HERC1: variants seen among roughly 807,000 people sequenced by gnomAD.
HERC1 encodes the protein HECT and RLD domain containing E3 ubiquitin protein ligase family member 1, also known as probable E3 ubiquitin-protein ligase HERC1.
Under a neutral mutation model 554.3 loss-of-function variants are expected in HERC1, and 160 were observed. That is an observed-to-expected ratio of 0.29 (90% confidence interval 0.25 to 0.33). The LOEUF (loss-of-function observed/expected upper bound fraction) is 0.33, where lower values mean the gene tolerates loss of function less well. Among genes scored for constraint, HERC1 ranks in the 10% least tolerant of loss-of-function variants. The pLI, the probability that HERC1 is intolerant of heterozygous loss-of-function variation, is 1.00. For synonymous variants in HERC1, 2,175 were observed against 2,131.7 expected (o/e 1.02, Z -0.56); for missense variants, 4,919 against 5,918.5 (o/e 0.83, Z 5.54).
chr15:63,699,742 G>A (rs1366833073), intron 25 of HERC1, among the ~76,000 whole-genome samples: 2 of 148,282 alleles, frequency 1.3e-5, no homozygotes, highest in African/African-American at 2.5e-5. Flanking sequence ...TTTGCCAGTG[G>A]GTATTTTTTA....
chr15:63,651,714 G>A (rs927038459), intron 52 of HERC1, among the ~76,000 whole-genome samples: 8 of 152,146 alleles, frequency 5.3e-5, no homozygotes, highest in African/African-American at 1.9e-4. Context: ...GAATACTTCA[G>A]AAAAGAAATA....
At chr15:63,808,618 G>C (rs2077203787) in intron 1 of HERC1, among the ~76,000 whole-genome samples, 1 of 151,740 alleles carries the variant, frequency 6.6e-6, no homozygotes, top group East Asian at 1.9e-4. Flanking sequence ...AGGATCTTTG[G>C]GGAAAAAAAA....
intron 8 of HERC1, among the ~76,000 whole-genome samples, chr15:63,751,578 A>G (rs191829123): frequency 2.1e-3 from 321 of 152,300 alleles, no homozygotes; most frequent in African/African-American, 7.2e-3. Flanking sequence ...GGACCATACT[A>G]TATAGTATGG....
At chr15:63,772,831 G>A (rs933436946) in intron 2 of HERC1, among the ~76,000 whole-genome samples, 5 of 152,078 alleles carry the variant, frequency 3.3e-5, no homozygotes, top group African/African-American at 1.2e-4. Context: ...TTATGTAACA[G>A]TAAGAAATTC....
chr15:63,758,204 G>A lies in HERC1; in HGVS notation c.1192C>T (p.Leu398=), dbSNP rs2075495975. The A allele has an allele frequency of 6.2e-7, 1 of 1,611,556 alleles. No homozygotes were observed. The highest frequency in any genetic ancestry group is 8.5e-7 in the Non-Finnish European group (1 of 1,177,976). Residue 398 remains leucine, a synonymous_variant, in exon 4 of 78, where the codon CTG becomes TTG. Coordinates refer to ENST00000443617, the MANE Select transcript of HERC1 (RefSeq NM_003922.4). The surrounding 1 kb of genome is among the most constrained non-coding windows in gnomAD (Gnocchi z 4.0). Reference sequence around the variant, plus strand: ...TGTGCATCAGAGAAACTAGGAGCCAGTTTGGGTTGCAGTATTTTCTCCTGT... The same window carrying A: ...TGTGCATCAGAGAAACTAGGAGCCAATTTGGGTTGCAGTATTTTCTCCTGT... The part of the protein sequence containing the change: ...GTQEKILQPK[L]APSFSDAQTI...
At position 63,749,603 on chromosome 15, in the gene HERC1, A is replaced by G; in HGVS notation, c.2047+44T>C. On this transcript the variant is annotated intron_variant, in intron 9 of 77. Transcript: ENST00000443617. This position sits in a 1 kb window ranked among gnomAD's most constrained non-coding sequence, Gnocchi z 4.1. ...AAATTCAAATGTAATATATTTACAC[A>G]AGACAACAGTTAATACTATTTCCTT... 1.3e-6 allele frequency: 2 copies of G among 1,582,564 alleles called. No individual in the cohort carries two copies. The highest frequency in any genetic ancestry group is 1.7e-6 in the Non-Finnish European group (2 of 1,164,780).
intron 54 of HERC1, among the ~76,000 whole-genome samples, chr15:63,648,462 G>A (rs1430019364): frequency 1.3e-5 from 2 of 152,150 alleles, no homozygotes; most frequent in Non-Finnish European, 2.9e-5. Context: ...GAAAAATAGA[G>A]ACAAAAATTA....
chr15:63,655,174 C>T (rs1197279809), intron 50 of HERC1, among the ~76,000 whole-genome samples: 4 of 151,756 alleles, frequency 2.6e-5, no homozygotes, highest in Admixed American at 6.6e-5. Flanking sequence ...GCCAACATGG[C>T]GAAACCCCAT....
At chr15:63,695,835 C>T (rs1048776045) in intron 27 of HERC1, among the ~76,000 whole-genome samples, 3 of 152,180 alleles carry the variant, frequency 2.0e-5, no homozygotes, top group African/African-American at 7.2e-5. Context: ...GAAACCCATC[C>T]TCCCAAACTC....
intron 1 of HERC1, among the ~76,000 whole-genome samples, chr15:63,808,851 C>A (rs1180327639): frequency 6.6e-6 from 1 of 152,118 alleles, no homozygotes; most frequent in Admixed American, 6.5e-5. Flanking sequence ...AAATCACCTC[C>A]CATGTCTTTA....
At chr15:63,657,457 C>A (rs535353658) in intron 48 of HERC1, among the ~76,000 whole-genome samples, 1 of 152,150 alleles carries the variant, frequency 6.6e-6, no homozygotes, top group South Asian at 2.1e-4. Context: ...TGAAACACTT[C>A]TTAATGTGTT....
chr15:63,792,213 G>A, intron 1 of HERC1, among the ~76,000 whole-genome samples: 1 of 152,098 alleles, frequency 6.6e-6, no homozygotes, highest in East Asian at 1.9e-4. Context: ...TAATACCCAA[G>A]AAATGATCTT....
intron 24 of HERC1, among the ~76,000 whole-genome samples, chr15:63,709,292 G>A (rs1017247557): frequency 2.0e-5 from 3 of 152,058 alleles, no homozygotes; most frequent in African/African-American, 7.2e-5. Context: ...TTACAGGCAT[G>A]AGCCACTGCG....
rs527764320 is a variant in HERC1 at position 63,816,110 on chromosome 15, C to A, written c.-27+17717G>T. On this transcript the variant is annotated intron_variant, in intron 1 of 77. Transcript: ENST00000443617. Reference sequence around the variant, plus strand: ...GCCAAACCATATACCTAACATTTCCCAAAACTTGTTCCTCAGATCACTAGT... The same window carrying A: ...GCCAAACCATATACCTAACATTTCCAAAAACTTGTTCCTCAGATCACTAGT... Among the ~76,000 whole-genome samples, 5 of 152,200 alleles carry A rather than the reference C, an allele frequency of 3.3e-5. No homozygotes were observed. The South Asian group carries it at 1.0e-3, about 32-fold the overall frequency.
chr15:63,788,830 G>A (rs1375131784), intron 1 of HERC1, among the ~76,000 whole-genome samples: 7 of 146,830 alleles, frequency 4.8e-5, no homozygotes, highest in African/African-American at 1.3e-4. Flanking sequence ...GCAGGAGATC[G>A]CGCCATTGCA....
At position 63,756,822 on chromosome 15, in the gene HERC1, A is replaced by G. The variant is rs909583522; in HGVS notation, c.1222-74T>C. 5.6e-6 allele frequency: 5 copies of G among 889,312 alleles called. No homozygotes were observed. The Admixed American group carries it at 1.2e-4, about 21-fold the overall frequency. 55.1% of individuals were successfully genotyped at this position (889,312 alleles called of 1,614,324 possible). A position where few individuals can be genotyped will look rare whatever the true frequency, so the allele number is the denominator to read the frequency against. On this transcript the variant is annotated intron_variant, in intron 4 of 77. Transcript: ENST00000443617. This position sits in a 1 kb window ranked among gnomAD's most constrained non-coding sequence, Gnocchi z 5.0. Reference sequence around the variant, plus strand: ...TATAATATTTAAGGCTGGTTTTATCAAAGAGCCTCAAAGGAAGTCTTTTAG... The same window carrying G: ...TATAATATTTAAGGCTGGTTTTATCGAAGAGCCTCAAAGGAAGTCTTTTAG...
chr15:63,641,684 A>C (rs1487987687), intron 59 of HERC1, 41 bp from the exon 60 acceptor site: 2 of 1,455,146 alleles, frequency 1.4e-6, no homozygotes, highest in Non-Finnish European at 9.2e-7. Flanking sequence ...AATTTGTTTA[A>C]ATAAAAAATA....
In HERC1 at chr15:63,623,679, C is replaced by T; in HGVS notation, c.13611+46G>A. 1.9e-6 allele frequency: 3 copies of T among 1,576,092 alleles called. No homozygotes were observed. In the South Asian group the frequency reaches 3.3e-5, roughly 18 times the overall value. On this transcript the variant is annotated intron_variant, in intron 73 of 77. Coordinates refer to ENST00000443617, the MANE Select transcript of HERC1 (RefSeq NM_003922.4). ...TGATCACTGGAAACAGCAAAATGGCCACTAGCAGACTAGATAACTCAGCAG... is the reference window on the plus strand; with the variant it reads ...TGATCACTGGAAACAGCAAAATGGCTACTAGCAGACTAGATAACTCAGCAG...
At position 63,640,135 on chromosome 15, in the gene HERC1, G is replaced by A. The variant is rs1433546132; in HGVS notation, c.11901+17C>T. 3 of 1,609,236 alleles carry A rather than the reference G, an allele frequency of 1.9e-6. No individual in the cohort carries two copies. Among genetic ancestry groups the A allele is most frequent in the African/African-American group, 1.3e-5 (1 of 74,800 alleles). Reference sequence around the variant, plus strand: ...AAAATCTCAGCTGCAAATAATAGCAGCTCACAGTACATTTACCATTAGAAA... The same window carrying A: ...AAAATCTCAGCTGCAAATAATAGCAACTCACAGTACATTTACCATTAGAAA... On this transcript the variant is annotated intron_variant, in intron 61 of 77. Coordinates refer to ENST00000443617, the MANE Select transcript of HERC1 (RefSeq NM_003922.4).
Sources: allele counts gnomAD v4.1 joint callset (sites outside exome capture counted in the v4.1 genomes callset), GRCh38; gene constraint gnomAD v4.1.1; non-coding constraint Gnocchi (gnomAD v3.1); transcripts MANE v1.5; gene names NCBI Gene and HGNC (gene_info 2026-07-23, HGNC 2026-07-21).